Variants in PRH1 observed in about 807,000 individuals in gnomAD.
PRH1 encodes salivary acidic proline-rich phosphoprotein 1/2.
PRH1 carries 7 observed loss-of-function variants against 7.9 expected under a neutral mutation model. That is an observed-to-expected ratio of 0.89 (90% CI 0.50 to 1.67). PRH1 has a LOEUF of 1.67. Among genes scored for constraint, PRH1 ranks in the 40% most tolerant of loss-of-function variants. The pLI, the probability that PRH1 is intolerant of heterozygous loss-of-function variation, is 0.00. For missense variants in PRH1, 109 were observed against 223.6 expected (o/e 0.49, Z 3.27); for synonymous variants, 45 against 80.8 (o/e 0.56, Z 2.38).
In PRH1 at chr12:11,085,063, A is replaced by G. The variant is rs1215238503; in HGVS notation, n.124-37875T>C. On this transcript the variant is annotated intron_variant and non_coding_transcript_variant, in intron 1 of 4. Coordinates refer to the PRH1 transcript ENST00000541977. ...TCTTGATGTCCTGACCTCGTGATCC[A>G]CCCACCTTGGCCTCCCGAAGTGCTG... is the stretch of plus-strand genomic sequence containing the variant. 2.6e-5 allele frequency among the ~76,000 whole-genome samples: 3 copies of G among 113,450 alleles called. 1 individual carries two copies. The highest frequency in any genetic ancestry group is 6.2e-5 in the Non-Finnish European group (3 of 48,302). The allele number at this position is 113,450 out of a possible 152,430, so 74.4% of individuals were successfully genotyped here. A position where few individuals can be genotyped will look rare whatever the true frequency, so the allele number is the denominator to read the frequency against.
At chr12:11,113,391 G>A (rs1285707751) in intron 1 of PRH1, among the ~76,000 whole-genome samples, 3 of 152,028 alleles carry the variant, frequency 2.0e-5, no homozygotes, top group East Asian at 3.8e-4. Context: ...ACAGAACAGA[G>A]GCCTCAGAAA....
intron 2 of PRH1, among the ~76,000 whole-genome samples, chr12:10,942,390 G>A (rs1371754738): frequency 6.6e-6 from 1 of 152,094 alleles, no homozygotes; most frequent in Non-Finnish European, 1.5e-5. Context: ...CTCCTGCTGT[G>A]GCTGCTAGGG....
rs116400924 is a variant in PRH1 at position 10,997,772 on chromosome 12, C to T, written c.-125-24051G>A. The T allele has an allele frequency of 6.4e-4, 1,030 of 1,613,758 alleles. 6 individuals are homozygous for T. The African/African-American group carries it at 0.011, about 18-fold the overall frequency. On this transcript the variant is annotated intron_variant, in intron 1 of 3. Coordinates refer to the PRH1 transcript ENST00000539853. ...TGAGGAGATCTTTTGTCTCTTGACC[C>T]AGGCAATGAAATTTATCAGTGCTAT...
At chr12:10,947,342 G>T (rs934602312) in intron 2 of PRH1, among the ~76,000 whole-genome samples, 2 of 152,072 alleles carry the variant, frequency 1.3e-5, no homozygotes, top group Non-Finnish European at 2.9e-5. Context: ...GGATTGTTAG[G>T]TCTTCTTGTT....
At chr12:10,953,678 G>A (rs1197357788) in intron 2 of PRH1, among the ~76,000 whole-genome samples, 1 of 152,150 alleles carries the variant, frequency 6.6e-6, no homozygotes, top group African/African-American at 2.4e-5. Context: ...AAACAACTTG[G>A]AAAACCTATT....
intron 2 of PRH1, among the ~76,000 whole-genome samples, chr12:10,936,144 C>G (rs563051683): frequency 6.6e-6 from 1 of 151,852 alleles, no homozygotes; most frequent in Non-Finnish European, 1.5e-5. Context: ...CCCACCACCC[C>G]GCCCCCACAC....
At chr12:10,923,706 T>G (rs1950084235) in intron 2 of PRH1, among the ~76,000 whole-genome samples, 1 of 152,228 alleles carries the variant, frequency 6.6e-6, no homozygotes, top group Admixed American at 6.5e-5. Context: ...TAGCAGTTAC[T>G]GTGCTCATTA....
intron 1 of PRH1, among the ~76,000 whole-genome samples, chr12:11,017,443 G>A (rs11054166): frequency 0.22 from 33,918 of 151,902 alleles, 3,834 homozygotes; most frequent in Non-Finnish European, 0.24. Context: ...GTTTTCAGGG[G>A]TCCCATATTC....
intron 1 of PRH1, among the ~76,000 whole-genome samples, chr12:11,165,444 T>C (rs1233074455): frequency 6.6e-6 from 1 of 152,226 alleles, no homozygotes; most frequent in African/African-American, 2.4e-5. Flanking sequence ...AATACTGCTT[T>C]TCATTTCTAG....
intron 1 of PRH1, among the ~76,000 whole-genome samples, chr12:11,146,619 C>T (rs7487324): frequency 0.75 from 113,297 of 152,030 alleles, 44,716 homozygotes; most frequent in East Asian, 0.96. Flanking sequence ...CTTTATGTTT[C>T]GTGGTTTTTG....
At position 11,077,299 on chromosome 12, in the gene PRH1, C is replaced by T. The variant is rs1225426101; in HGVS notation, n.124-30111G>A. 1.1e-5 allele frequency: 3 copies of T among 268,546 alleles called. No homozygotes were observed. In the East Asian group the frequency reaches 1.3e-4, roughly 11 times the overall value. The allele number at this position is 268,546 out of a possible 1,614,324, so 16.6% of individuals were successfully genotyped here. A position where few individuals can be genotyped will look rare whatever the true frequency, so the allele number is the denominator to read the frequency against. ...GTTTTCTGCTAGAAGACACACGATG[C>T]ACCCCTTGTGAATCTATGGAGTTGA... On this transcript the variant is annotated intron_variant and non_coding_transcript_variant, in intron 1 of 4. Coordinates refer to the PRH1 transcript ENST00000541977.
At chr12:10,882,754 C>T in intron 2 of PRH1, 56 bp from the exon 3 acceptor site, 1 of 1,598,612 alleles carries the variant, frequency 6.3e-7, no homozygotes. Context: ...CTCCTGTCTT[C>T]ATACCTCTCT....
intron 1 of PRH1, among the ~76,000 whole-genome samples, chr12:11,060,458 A>G (rs1255930229): frequency 1.3e-5 from 2 of 152,084 alleles, no homozygotes; most frequent in African/African-American, 4.8e-5. Flanking sequence ...GTAAGGGTAT[A>G]ATTAACAATT....
chr12:11,122,401 A>T (rs533157254), intron 1 of PRH1, among the ~76,000 whole-genome samples: 17 of 152,372 alleles, frequency 1.1e-4, no homozygotes, highest in African/African-American at 3.8e-4. Context: ...GACATATGAG[A>T]TACAAATATC....
At chr12:11,046,598 C>T (rs545213662) in intron 1 of PRH1, among the ~76,000 whole-genome samples, 66 of 152,168 alleles carry the variant, frequency 4.3e-4, no homozygotes, top group Non-Finnish European at 8.1e-4. Context: ...CTATTCCCTT[C>T]TTCCAAGTGC....
At chr12:11,142,746 C>T (rs888314570) in intron 1 of PRH1, among the ~76,000 whole-genome samples, 6 of 152,184 alleles carry the variant, frequency 3.9e-5, no homozygotes, top group African/African-American at 1.4e-4. Context: ...AGCTCCACTA[C>T]ATCTGGCAGC....
At chr12:11,132,994 A>G in intron 1 of PRH1, 1 of 323,936 alleles carries the variant, frequency 3.1e-6, no homozygotes, top group African/African-American at 2.1e-5. Context: ...AATGAAATAT[A>G]AAATACATGT....
chr12:11,146,523 G>A (rs11522335), intron 1 of PRH1, among the ~76,000 whole-genome samples: 32,168 of 151,978 alleles, frequency 0.21, 3,996 homozygotes, highest in Non-Finnish European at 0.27. Context: ...ATGCCTAGAT[G>A]TATAATTAGA....
In PRH1 at chr12:11,094,549, G is replaced by A. The variant is rs1459890897; in HGVS notation, n.124-47361C>T. On this transcript the variant is annotated intron_variant and non_coding_transcript_variant, in intron 1 of 4. Transcript: ENST00000541977. ...TAATTAAGGCTAGAAGAAATCCTTT[G>A]GAAAGATCTGGGGGTGGCAGATAAC... Among the ~76,000 whole-genome samples the A allele has an allele frequency of 1.8e-5, 2 of 114,110 alleles. 1 individual carries two copies. Among genetic ancestry groups the A allele is most frequent in the African/African-American group, 5.9e-5 (2 of 34,016 alleles). 74.9% of individuals were successfully genotyped at this position (114,110 alleles called of 152,430 possible).
Sources: allele counts gnomAD v4.1 joint callset (sites outside exome capture counted in the v4.1 genomes callset), GRCh38; gene constraint gnomAD v4.1.1; transcripts MANE v1.5; gene names NCBI Gene and HGNC (gene_info 2026-07-23, HGNC 2026-07-21).